BTBD8: variants seen among roughly 807,000 people sequenced by gnomAD.
BTBD8 encodes BTB domain containing 8.
A neutral mutation model predicts 162.9 loss-of-function variants in BTBD8; 110 were observed. The ratio of observed to expected loss-of-function variants is 0.68; its 90% confidence interval spans 0.58 to 0.79. The LOEUF (loss-of-function observed/expected upper bound fraction) is 0.79. Ranked by LOEUF, BTBD8 falls within the 30% of genes least tolerant of loss-of-function variation. The pLI, the probability that BTBD8 is intolerant of heterozygous loss-of-function variation, is 0.00. For synonymous variants in BTBD8, 667 were observed against 716.1 expected (o/e 0.93, Z 1.10); for missense variants, 1,905 against 2,085.4 (o/e 0.91, Z 1.68).
intron 4 of BTBD8, among the ~76,000 whole-genome samples, chr1:92,111,111 C>T (rs1648881488): frequency 6.6e-6 from 1 of 151,884 alleles, no homozygotes; most frequent in Non-Finnish European, 1.5e-5. Flanking sequence ...CACGTCTCAC[C>T]CTCCCGAGTA....
In BTBD8 at chr1:92,180,302, A is replaced by C; in HGVS notation, c.2619A>C (p.Ser873=). ...QGESPNSVKS[S]VSSRQSDENV... ...AGTCACCAAACTCAGTAAAATCTTC[A>C]GTCTCTTCAAGGCAGTCTGATGAAA... Residue 873 remains serine (S), a synonymous_variant, in exon 17 of 18, where the codon TCA becomes TCC. Coordinates refer to ENST00000636805, the MANE Select transcript of BTBD8 (RefSeq NM_001376131.1). 6.5e-7 allele frequency: 1 copy of C among 1,547,386 alleles called. No homozygotes were observed. Among genetic ancestry groups the C allele is most frequent in the Non-Finnish European group, 8.7e-7 (1 of 1,145,872 alleles).
chr1:92,117,680 C>A (rs1488826899), intron 4 of BTBD8, among the ~76,000 whole-genome samples: 1 of 151,956 alleles, frequency 6.6e-6, no homozygotes, highest in Non-Finnish European at 1.5e-5. Context: ...CTTCATGACT[C>A]CCTCTTCTAT....
intron 7 of BTBD8, among the ~76,000 whole-genome samples, chr1:92,144,375 C>T (rs991722437): frequency 1.3e-5 from 2 of 151,996 alleles, no homozygotes; most frequent in East Asian, 1.9e-4. Flanking sequence ...GATGGGCAGT[C>T]GGCCCCAGAA....
intron 6 of BTBD8, 161 bp downstream of exon 6, chr1:92,139,591 A>G (rs1570740415): frequency 7.9e-7 from 1 of 1,263,576 alleles, no homozygotes; most frequent in Non-Finnish European, 1.0e-6. Flanking sequence ...TAAGCAAATC[A>G]TCTTATTTAG....
At position 92,080,440 on chromosome 1, in the gene BTBD8, GTCAACC is replaced by G; in HGVS notation, c.-130_-125del. On this transcript the variant is annotated 5_prime_UTR_variant, in exon 1 of 18. Transcript: ENST00000636805. The stretch of plus-strand genomic sequence containing the variant: ...GACTGTCTACAAACCGACGAGAGGC[GTCAACC>G]TTTTACCCTAGGGGGCGGATTTGGG... 2 of 1,354,000 alleles carry G rather than the reference GTCAACC, an allele frequency of 1.5e-6. No homozygotes were observed. Among genetic ancestry groups the G allele is most frequent in the South Asian group, 3.0e-5 (2 of 67,276 alleles). The allele number at this position is 1,354,000 out of a possible 1,614,324, so 83.9% of individuals were successfully genotyped here.
In BTBD8 at chr1:92,176,924, A is replaced by G; in HGVS notation, c.1731A>G (p.Lys577=). ...KECWSYLSTN[K]KMKSDGLGAS... is the part of the protein sequence containing the mutation. ...GTTGGAGTTATCTCTCTACTAATAAAAAGATGAAATCTGATGGATTAGGAG... is the reference window on the plus strand; with the variant it reads ...GTTGGAGTTATCTCTCTACTAATAAGAAGATGAAATCTGATGGATTAGGAG... The change falls in exon 14 of 18, where the codon AAA becomes AAG. Residue 577 remains lysine, a synonymous_variant. Coordinates refer to ENST00000636805, the MANE Select transcript of BTBD8 (RefSeq NM_001376131.1). 6.5e-7 allele frequency: 1 copy of G among 1,539,332 alleles called. No homozygotes were observed. Among genetic ancestry groups the G allele is most frequent in the Non-Finnish European group, 8.8e-7 (1 of 1,142,182 alleles).
chr1:92,095,439 A>G (rs1168225281), intron 2 of BTBD8, among the ~76,000 whole-genome samples: 1 of 152,160 alleles, frequency 6.6e-6, no homozygotes, highest in Non-Finnish European at 1.5e-5. Flanking sequence ...CCTCTTGTAA[A>G]TTATAACTAA....
intron 4 of BTBD8, among the ~76,000 whole-genome samples, chr1:92,120,688 G>C (rs12410573): frequency 1.1e-4 from 16 of 152,118 alleles, no homozygotes; most frequent in Admixed American, 9.8e-4. Flanking sequence ...GGATTTTTCA[G>C]CTTCATTATA....
At chr1:92,111,081 C>G (rs544628504) in intron 4 of BTBD8, among the ~76,000 whole-genome samples, 11 of 151,612 alleles carry the variant, frequency 7.3e-5, no homozygotes, top group African/African-American at 2.7e-4. Context: ...AACCTCTGCC[C>G]CCCGGGTTCA....
chr1:92,080,518 C>G lies in BTBD8; in HGVS notation c.-54C>G. On this transcript the variant is annotated 5_prime_UTR_variant, in exon 1 of 18. Transcript: ENST00000636805. The stretch of plus-strand genomic sequence containing the variant: ...GAAACGCCCCCTTCTTCCTCCTGGG[C>G]GGGGCAAGTGAGGCCAAGTACTGGG... The G allele has an allele frequency of 6.3e-7, 1 of 1,592,982 alleles. No homozygotes were observed.
chr1:92,119,086 A>C (rs1570728466), intron 4 of BTBD8, among the ~76,000 whole-genome samples: 1 of 151,688 alleles, frequency 6.6e-6, no homozygotes, highest in African/African-American at 2.4e-5. Context: ...TCAGTTCATT[A>C]CTGTACACTA....
chr1:92,164,585 C>T (rs1275877976), intron 9 of BTBD8, among the ~76,000 whole-genome samples: 1 of 151,654 alleles, frequency 6.6e-6, no homozygotes, highest in Non-Finnish European at 1.5e-5. Flanking sequence ...CACCACTGCA[C>T]CCCAGCCTGG....
intron 7 of BTBD8, among the ~76,000 whole-genome samples, chr1:92,143,083 CAAT>C (rs1476598061): frequency 6.6e-6 from 1 of 152,080 alleles, no homozygotes; most frequent in African/African-American, 2.4e-5. Flanking sequence ...ATTTCAATAA[CAAT>C]AGTATCCAGA....
intron 3 of BTBD8, 126 bp downstream of exon 3, chr1:92,102,795 A>G (rs1648626314): frequency 1.2e-6 from 1 of 849,064 alleles, no homozygotes; most frequent in African/African-American, 1.8e-5. Context: ...TGGAGAACTG[A>G]AAACACTAGT....
chr1:92,149,302 T>G (rs1364137312), intron 9 of BTBD8, among the ~76,000 whole-genome samples: 1 of 152,098 alleles, frequency 6.6e-6, no homozygotes. Context: ...GGTACAGATA[T>G]CAAAGAAAAC....
At chr1:92,131,851 G>C (rs1649524824) in intron 5 of BTBD8, among the ~76,000 whole-genome samples, 1 of 152,010 alleles carries the variant, frequency 6.6e-6, no homozygotes, top group Admixed American at 6.6e-5. Context: ...TGGGACTATA[G>C]ATGTGTACTC....
At chr1:92,106,647 T>TA (rs1648734107) in intron 3 of BTBD8, among the ~76,000 whole-genome samples, 1 of 73,504 alleles carries the variant, frequency 1.4e-5, no homozygotes, top group Non-Finnish European at 2.3e-5. Flanking sequence ...GGCGACAGAG[T>TA]AAGACTCTGT....
intron 2 of BTBD8, among the ~76,000 whole-genome samples, chr1:92,091,230 T>C (rs1648288557): frequency 6.6e-6 from 1 of 152,194 alleles, no homozygotes; most frequent in Non-Finnish European, 1.5e-5. Flanking sequence ...ACCTCCTCCT[T>C]GTTCTCTAGA....
chr1:92,137,499 G>A (rs934467680), intron 5 of BTBD8, among the ~76,000 whole-genome samples: 2 of 152,198 alleles, frequency 1.3e-5, no homozygotes, highest in Non-Finnish European at 2.9e-5. Flanking sequence ...AGAGGACTAA[G>A]ATGAACCTCA....
Sources: allele counts gnomAD v4.1 joint callset (sites outside exome capture counted in the v4.1 genomes callset), GRCh38; gene constraint gnomAD v4.1.1; transcripts MANE v1.5; gene names NCBI Gene and HGNC (gene_info 2026-07-23, HGNC 2026-07-21).